Variants in BANK1 observed in about 807,000 individuals in gnomAD.
BANK1 encodes B-cell scaffold protein with ankyrin repeats.
Under a neutral mutation model 94.5 loss-of-function variants are expected in BANK1, and 95 were observed. The ratio of observed to expected loss-of-function variants is 1.00; its 90% CI spans 0.85 to 1.19. The LOEUF (loss-of-function observed/expected upper bound fraction) is 1.19, where lower values mean the gene tolerates loss of function less well. BANK1 is among the 50% of genes most tolerant of loss of function. BANK1 has a pLI of 0.00. For synonymous variants in BANK1, 334 were observed against 308.4 expected, an observed-to-expected ratio of 1.08 and a Z score of -0.87; for missense variants, 987 against 932.2, an observed-to-expected ratio of 1.06 and a Z score of -0.77.
chr4:101,905,478 A>G lies in BANK1; in HGVS notation c.1009+10068A>G, dbSNP rs190617838. Among the ~76,000 whole-genome samples the G allele has an allele frequency of 3.9e-5, 6 of 152,284 alleles. 1 individual carries two copies. The highest frequency in any genetic ancestry group is 3.9e-4 in the Admixed American group (6 of 15,288). Reference sequence around the variant, plus strand: ...CTTTATCAAACTTAGAGTGACACTGATTAGCCCAATGTTTTCCTTTTTTAC... The same window carrying G: ...CTTTATCAAACTTAGAGTGACACTGGTTAGCCCAATGTTTTCCTTTTTTAC... On this transcript the variant is annotated intron_variant, in intron 6 of 16. Transcript: ENST00000322953.
chr4:101,977,620 T>A (rs1414501791), intron 7 of BANK1, among the ~76,000 whole-genome samples: 1 of 152,164 alleles, frequency 6.6e-6, no homozygotes, highest in Non-Finnish European at 1.5e-5. Context: ...TCCAGACAAA[T>A]GTAGTCTCTG....
At chr4:101,850,688 A>G (rs1180489489) in intron 2 of BANK1, among the ~76,000 whole-genome samples, 2 of 152,088 alleles carry the variant, frequency 1.3e-5, no homozygotes, top group African/African-American at 4.8e-5. Context: ...TTCCAACAGT[A>G]TGCACTTGCC....
intron 7 of BANK1, among the ~76,000 whole-genome samples, chr4:101,953,930 G>T (rs2148915823): frequency 6.6e-6 from 1 of 152,228 alleles, no homozygotes; most frequent in African/African-American, 2.4e-5. Context: ...AAACTGGGTA[G>T]CTAAAAGCAA....
chr4:102,055,436 A>G (rs564374964), intron 11 of BANK1, among the ~76,000 whole-genome samples: 24 of 152,146 alleles, frequency 1.6e-4, no homozygotes, highest in Middle Eastern at 3.4e-3. Flanking sequence ...TAGAAACAAG[A>G]TAAGGATGCC....
chr4:102,036,406 G>C (rs1433840504), intron 10 of BANK1, among the ~76,000 whole-genome samples: 3 of 152,222 alleles, frequency 2.0e-5, no homozygotes, highest in Admixed American at 2.0e-4. Context: ...AAACGTGACA[G>C]AGTATAATGG....
chr4:101,895,383 C>T lies in BANK1; in HGVS notation c.982C>T (p.Gln328Ter). The part of the protein sequence containing the change: ...EIPYYEFQSL[Q>*]TEICSQNKYT... ...ACCATATTATGAGTTCCAGTCTCTT[C>T]AAACTGAAATTTGTTCTCAAAACAA... Residue 328 changes from glutamine to a stop codon, truncating the protein, a stop_gained, in exon 6 of 17, where the codon CAA becomes TAA. Transcript: ENST00000322953. LOFTEE classifies it high-confidence loss of function. 6.3e-7 allele frequency: 1 copy of T among 1,590,622 alleles called. No homozygotes were observed. The highest frequency in any genetic ancestry group is 8.6e-7 in the Non-Finnish European group (1 of 1,165,944).
chr4:102,021,608 T>TTATA lies in BANK1; in HGVS notation c.1285+26_1285+29dup, dbSNP rs34539828. On this transcript the variant is annotated intron_variant, in intron 8 of 16. Coordinates refer to ENST00000322953, the MANE Select transcript of BANK1 (RefSeq NM_017935.5). ...TATATTCCTTGTAAGTTTTTCCATG[T>TTATA]TATATATATATATGACATATTCATA... 397 of 959,044 alleles carry TTATA rather than the reference T, an allele frequency of 4.1e-4. No homozygotes were observed. The highest frequency in any genetic ancestry group is 6.2e-4 in the Middle Eastern group (2 of 3,232). The allele number at this position is 959,044 out of a possible 1,614,324, so 59.4% of individuals were successfully genotyped here.
intron 1 of BANK1, among the ~76,000 whole-genome samples, chr4:101,805,056 C>A (rs1368419285): frequency 6.6e-6 from 1 of 152,140 alleles, no homozygotes; most frequent in Admixed American, 6.5e-5. Context: ...ATCATGTGAA[C>A]TATGTAAGTG....
intron 5 of BANK1, among the ~76,000 whole-genome samples, chr4:101,877,284 T>C (rs540535367): frequency 4.1e-4 from 63 of 152,104 alleles, no homozygotes; most frequent in African/African-American, 1.4e-3. Context: ...TAAAGATGAG[T>C]CCTTCAATCA....
chr4:102,030,214 C>T lies in BANK1; in HGVS notation c.1849C>T (p.Arg617Ter), dbSNP rs1560696993. The T allele has an allele frequency of 8.1e-6, 13 of 1,612,472 alleles. No homozygotes were observed. Among genetic ancestry groups the T allele is most frequent in the African/African-American group, 4.0e-5 (3 of 74,700 alleles). The change falls in exon 10 of 17, where the codon CGA (arginine) becomes TGA (stop). Residue 617 changes from arginine to a stop codon, truncating the protein, a stop_gained. Coordinates refer to ENST00000322953, the MANE Select transcript of BANK1 (RefSeq NM_017935.5). LOFTEE classifies it high-confidence loss of function. Reference protein sequence around the residue: ...IINRPPAPTPRPTSIPPKEET... With the variant: ...IINRPPAPTP ...AAATAGACCTCCTGCCCCCACACCC[C>T]GACCCACAAGTATACCTCCAAAAGA...
intron 1 of BANK1, among the ~76,000 whole-genome samples, chr4:101,823,863 G>C (rs1286718857): frequency 6.6e-6 from 1 of 152,150 alleles, no homozygotes; most frequent in Non-Finnish European, 1.5e-5. Context: ...TCCTGCATTT[G>C]AAAGAAAGAA....
At chr4:101,909,447 C>T (rs1305234094) in intron 6 of BANK1, among the ~76,000 whole-genome samples, 1 of 151,994 alleles carries the variant, frequency 6.6e-6, no homozygotes, top group South Asian at 2.1e-4. Flanking sequence ...ATGTAAATGT[C>T]GAGTTAATGG....
At chr4:101,933,588 C>A (rs1245446504) in intron 7 of BANK1, among the ~76,000 whole-genome samples, 1 of 151,460 alleles carries the variant, frequency 6.6e-6, no homozygotes, top group African/African-American at 2.4e-5. Flanking sequence ...TATAATTTAG[C>A]ATATATAATG....
intron 11 of BANK1, among the ~76,000 whole-genome samples, chr4:102,044,286 G>GT (rs1319026370): frequency 6.6e-6 from 1 of 152,046 alleles, no homozygotes; most frequent in African/African-American, 2.4e-5. Context: ...GCGGTGTTTG[G>GT]TTTTTTGTTC....
intron 13 of BANK1, among the ~76,000 whole-genome samples, chr4:102,066,196 G>GA (rs60611017): frequency 5.5e-5 from 8 of 145,832 alleles, no homozygotes; most frequent in East Asian, 3.9e-4. Context: ...ACATATAAAG[G>GA]AAAAAAAAAT....
chr4:101,895,441 T>C (rs751354532), intron 6 of BANK1, 31 bp downstream of exon 6: 2 of 1,287,444 alleles, frequency 1.6e-6, no homozygotes, highest in East Asian at 4.7e-5. Context: ...TCAATTATTC[T>C]TTTTATCACA....
At chr4:101,862,806 G>C (rs1299542725) in intron 4 of BANK1, 142 bp downstream of exon 4, 6 of 862,596 alleles carry the variant, frequency 7.0e-6, no homozygotes, top group African/African-American at 3.5e-5. Context: ...CATACCCAAG[G>C]TTGTTATTAT....
intron 1 of BANK1, among the ~76,000 whole-genome samples, chr4:101,795,880 G>T (rs1725138765): frequency 6.6e-6 from 1 of 152,206 alleles, no homozygotes. Context: ...CCTGGGCCAA[G>T]AATAGGCACA....
chr4:102,002,544 TACACACACAC>T lies in BANK1; in HGVS notation c.1207-18934_1207-18925del, dbSNP rs10559889. On this transcript the variant is annotated intron_variant, in intron 7 of 16. Coordinates refer to ENST00000322953, the MANE Select transcript of BANK1 (RefSeq NM_017935.5). Reference sequence around the variant, plus strand: ...TGATGGTAGACAATATTAATACAAATACACACACACACACACACACACACACACACACACA... The same window carrying T: ...TGATGGTAGACAATATTAATACAAATACACACACACACACACACACACACA... Among the ~76,000 whole-genome samples the T allele has an allele frequency of 1.5e-3, 216 of 148,120 alleles. 1 individual carries two copies. The highest frequency in any genetic ancestry group is 3.9e-3 in the Admixed American group (58 of 14,820).
Sources: allele counts gnomAD v4.1 joint callset (sites outside exome capture counted in the v4.1 genomes callset), GRCh38; gene constraint gnomAD v4.1.1; transcripts MANE v1.5; gene names NCBI Gene and HGNC (gene_info 2026-07-23, HGNC 2026-07-21).